The following KANK1 variants were observed in gnomAD, a reference collection of about 807,000 sequenced individuals.
KANK1 encodes the protein KN motif and ankyrin repeat domains 1.
Under a neutral mutation model 106.2 loss-of-function variants are expected in KANK1, and 109 were observed. The ratio of observed to expected loss-of-function variants is 1.03; its 90% confidence interval spans 0.88 to 1.20. KANK1 has a LOEUF of 1.20. Ranked by LOEUF, KANK1 falls within the 50% of genes most tolerant of loss-of-function variation. The pLI is 0.00. For missense variants in KANK1, 2,399 were observed against 1,710.7 expected, an observed-to-expected ratio of 1.40 and a Z score of -7.10; for synonymous variants, 873 against 652.2, an observed-to-expected ratio of 1.34 and a Z score of -5.16.
chr9:592,252 C>G (rs1825099485), intron 1 of KANK1, among the ~76,000 whole-genome samples: 2 of 151,856 alleles, frequency 1.3e-5, no homozygotes, highest in Non-Finnish European at 2.9e-5. Flanking sequence ...AGGAATTGAT[C>G]TAGATAAGTT....
At chr9:683,274 T>C (rs1303743184) in intron 2 of KANK1, among the ~76,000 whole-genome samples, 1 of 152,186 alleles carries the variant, frequency 6.6e-6, no homozygotes, top group Non-Finnish European at 1.5e-5. Context: ...AAATGTGTGT[T>C]CTTATTTGTG....
chr9:503,850 G>T (rs151018521), upstream of KANK1, among the ~76,000 whole-genome samples: 2,101 of 152,284 alleles, frequency 0.014, 23 homozygotes, highest in South Asian at 0.037. Context: ...ATTTGGGACT[G>T]AACTAGGAAG....
Position 735,756 on chromosome 9 carries a change from G to A in KANK1, c.3333+921G>A, listed in dbSNP as rs764690915. On this transcript the variant is annotated intron_variant, in intron 7 of 11. Transcript: ENST00000382297. ...CACCTATGATCCCAACACTTCGGGA[G>A]GCCGATGCAGGTGGATCACATGAGG... The A allele has an allele frequency of 3.1e-4, 135 of 436,814 alleles. 1 individual carries two copies. The highest frequency in any genetic ancestry group is 2.1e-3 in the South Asian group (130 of 62,098). The allele number at this position is 436,814 out of a possible 1,614,324, so 27.1% of individuals were successfully genotyped here. A position where few individuals can be genotyped will look rare whatever the true frequency, so the allele number is the denominator to read the frequency against.
chr9:655,655 G>A (rs1005268403), intron 1 of KANK1, among the ~76,000 whole-genome samples: 1 of 152,166 alleles, frequency 6.6e-6, no homozygotes, highest in Admixed American at 6.5e-5. Context: ...GAGGTGGTTA[G>A]AAAGTGTTGA....
intron 3 of KANK1, among the ~76,000 whole-genome samples, chr9:483,688 T>A (rs1340413481): frequency 6.6e-6 from 1 of 152,196 alleles, no homozygotes; most frequent in African/African-American, 2.4e-5. Context: ...TATAGTCTCT[T>A]AGGCAAACAC....
chr9:585,664 A>G (rs575089774), intron 1 of KANK1, among the ~76,000 whole-genome samples: 137 of 152,336 alleles, frequency 9.0e-4, no homozygotes, highest in African/African-American at 3.2e-3. Flanking sequence ...AAGAGTAGAC[A>G]ATAATGTTAA....
At chr9:507,144 T>G (rs2058796920) in intron 1 of KANK1, among the ~76,000 whole-genome samples, 1 of 151,886 alleles carries the variant, frequency 6.6e-6, no homozygotes, top group Non-Finnish European at 1.5e-5. Flanking sequence ...TTTTTTTTTT[T>G]TTTTTGGTAA....
intron 1 of KANK1, among the ~76,000 whole-genome samples, chr9:593,452 C>T (rs1455296198): frequency 7.7e-5 from 3 of 39,088 alleles, no homozygotes; most frequent in African/African-American, 1.3e-4. Context: ...TTTATACATT[C>T]CCCCCCCCCA....
At chr9:562,293 C>G (rs1041472559) in intron 1 of KANK1, among the ~76,000 whole-genome samples, 1 of 151,370 alleles carries the variant, frequency 6.6e-6, no homozygotes, top group African/African-American at 2.4e-5. Flanking sequence ...ACCTCATGAT[C>G]CACCCGCCTC....
chr9:745,455 C>A lies in KANK1; in HGVS notation c.*220C>A. ...GTCTTCTGTGTAGGGCACACTTTAA[C>A]CCAGTCTCTGTTGCTGTTGAGTCTC... On this transcript the variant is annotated 3_prime_UTR_variant, in exon 12 of 12. Coordinates refer to ENST00000382297, the MANE Select transcript of KANK1 (RefSeq NM_015158.5). 2.0e-6 allele frequency: 1 copy of A among 489,090 alleles called. No individual in the cohort carries two copies. Among genetic ancestry groups the A allele is most frequent in the Non-Finnish European group, 3.7e-6 (1 of 273,708 alleles). 30.3% of individuals were successfully genotyped at this position (489,090 alleles called of 1,614,324 possible). A position where few individuals can be genotyped will look rare whatever the true frequency, so the allele number is the denominator to read the frequency against.
At chr9:494,345 A>AT (rs1285938523) in intron 3 of KANK1, among the ~76,000 whole-genome samples, 3 of 151,980 alleles carry the variant, frequency 2.0e-5, no homozygotes, top group Non-Finnish European at 4.4e-5. Flanking sequence ...TTCATATCTG[A>AT]TTTTTCCTCT....
At chr9:509,428 TA>T (rs1229187273) in intron 1 of KANK1, among the ~76,000 whole-genome samples, 1 of 152,230 alleles carries the variant, frequency 6.6e-6, no homozygotes, top group Non-Finnish European at 1.5e-5. Context: ...GCAGACTAAT[TA>T]TTTGTTGTCT....
At chr9:534,128 A>G (rs539869034) in intron 1 of KANK1, among the ~76,000 whole-genome samples, 117 of 152,310 alleles carry the variant, frequency 7.7e-4, no homozygotes, top group African/African-American at 2.7e-3. Flanking sequence ...ATAACTGCCT[A>G]TCTCGATTTG....
At chr9:558,024 A>G (rs757323915) in intron 1 of KANK1, among the ~76,000 whole-genome samples, 3 of 152,212 alleles carry the variant, frequency 2.0e-5, no homozygotes, top group Non-Finnish European at 4.4e-5. Context: ...AAACAAACCT[A>G]TACGAACAAT....
intron 2 of KANK1, among the ~76,000 whole-genome samples, chr9:688,896 C>G (rs1283705891): frequency 6.6e-6 from 1 of 152,176 alleles, no homozygotes; most frequent in Non-Finnish European, 1.5e-5. Flanking sequence ...CTGGTAGCCC[C>G]TGGGGGTATG....
At chr9:653,416 G>T (rs964202873) in intron 1 of KANK1, among the ~76,000 whole-genome samples, 3 of 152,034 alleles carry the variant, frequency 2.0e-5, no homozygotes, top group Non-Finnish European at 4.4e-5. Flanking sequence ...CCAGGTAAGA[G>T]AATTTTTTTT....
intron 1 of KANK1, among the ~76,000 whole-genome samples, chr9:520,140 C>A (rs1167590593): frequency 2.6e-5 from 4 of 151,568 alleles, no homozygotes; most frequent in Non-Finnish European, 4.4e-5. Flanking sequence ...GAATTCAAGA[C>A]TAGTCTGGGC....
chr9:533,592 T>C (rs2060162818), intron 1 of KANK1, among the ~76,000 whole-genome samples: 1 of 152,244 alleles, frequency 6.6e-6, no homozygotes, highest in Non-Finnish European at 1.5e-5. Flanking sequence ...GAATAGTTTT[T>C]ACTGGATCAT....
intron 2 of KANK1, among the ~76,000 whole-genome samples, chr9:691,630 T>TTTTTTTTTTTTTTA (rs59652466): frequency 6.8e-6 from 1 of 147,596 alleles, no homozygotes; most frequent in African/African-American, 2.5e-5. Context: ...TTTTTTTTTT[T>TTTTTTTTTTTTTTA]GAGACCAGAG....
Sources: allele counts gnomAD v4.1 joint callset (sites outside exome capture counted in the v4.1 genomes callset), GRCh38; gene constraint gnomAD v4.1.1; transcripts MANE v1.5; gene names NCBI Gene and HGNC (gene_info 2026-07-23, HGNC 2026-07-21).